The following MROH2B variants were observed in gnomAD, a reference collection of about 807,000 sequenced individuals.
MROH2B encodes maestro heat-like repeat-containing protein family member 2B.
MROH2B carries 177 observed loss-of-function variants against 208.6 expected under a neutral mutation model. That is an observed-to-expected ratio of 0.85 (90% CI 0.75 to 0.96). MROH2B has a LOEUF of 0.96. Among genes scored for constraint, MROH2B ranks in the 40% least tolerant of loss-of-function variants. MROH2B has a pLI of 0.00. For synonymous variants in MROH2B, 728 were observed against 659.0 expected, an observed-to-expected ratio of 1.10 and a Z score of -1.60; for missense variants, 2,002 against 1,878.7, an observed-to-expected ratio of 1.07 and a Z score of -1.21.
chr5:41,070,018 C>T (rs371154540), intron 1 of MROH2B, among the ~76,000 whole-genome samples: 1 of 152,172 alleles, frequency 6.6e-6, no homozygotes, highest in Non-Finnish European at 1.5e-5. Context: ...TGTATCCCTC[C>T]AGGCAAGTGG....
chr5:41,041,670 A>G (rs1239109057), intron 19 of MROH2B, among the ~76,000 whole-genome samples: 3 of 152,100 alleles, frequency 2.0e-5, no homozygotes, highest in Admixed American at 6.5e-5. Context: ...TCCTTCCTCC[A>G]CATTTATATA....
At chr5:41,064,361 T>A in intron 5 of MROH2B, 111 bp downstream of exon 5, 2 of 822,630 alleles carry the variant, frequency 2.4e-6, no homozygotes, top group East Asian at 2.7e-5. Context: ...GCAGCTATTA[T>A]TATTCAAAAG....
intron 24 of MROH2B, among the ~76,000 whole-genome samples, chr5:41,025,926 A>G (rs1198005184): frequency 2.0e-5 from 3 of 152,188 alleles, no homozygotes; most frequent in Non-Finnish European, 4.4e-5. Flanking sequence ...ACAGAACCAA[A>G]GACAAAAACC....
intron 34 of MROH2B, among the ~76,000 whole-genome samples, chr5:41,006,289 C>T (rs2111814564): frequency 6.6e-6 from 1 of 152,074 alleles, no homozygotes; most frequent in Non-Finnish European, 1.5e-5. Context: ...AGTGCGATAC[C>T]ACCTCACTCC....
rs896805780 is a variant in MROH2B, at chr5:41,020,093, T to C, written c.2442-1075A>G. 2.6e-5 allele frequency among the ~76,000 whole-genome samples: 4 copies of C among 152,198 alleles called. No homozygotes were observed. The East Asian group carries it at 7.7e-4, about 29-fold the overall frequency. On this transcript the variant is annotated intron_variant, in intron 24 of 41. Transcript: ENST00000399564. ...GCCTCATAAGCTCGTGAACATGAGT[T>C]GTGGCTGATCTGGATTAAGATGTAA... is the stretch of plus-strand genomic sequence containing the variant.
intron 35 of MROH2B, 80 bp from the exon 36 acceptor site, chr5:41,005,000 A>G (rs1477419007): frequency 1.3e-6 from 2 of 1,519,982 alleles, no homozygotes; most frequent in East Asian, 4.6e-5. Flanking sequence ...CATCACAAGT[A>G]CAATTAAAGA....
intron 24 of MROH2B, among the ~76,000 whole-genome samples, chr5:41,031,730 C>A (rs1742577712): frequency 6.6e-6 from 1 of 152,000 alleles, no homozygotes. Context: ...AATTCTCACC[C>A]TCCTCCCAAC....
At chr5:41,069,805 T>C in intron 1 of MROH2B, 53 bp from the exon 2 acceptor site, 2 of 1,320,074 alleles carry the variant, frequency 1.5e-6, no homozygotes, top group Non-Finnish European at 2.1e-6. Context: ...TGCCCTCCTG[T>C]TAATTATTTT....
At chr5:41,036,432 A>C (rs532291678) in intron 21 of MROH2B, among the ~76,000 whole-genome samples, 9 of 152,272 alleles carry the variant, frequency 5.9e-5, no homozygotes, top group African/African-American at 2.2e-4. Flanking sequence ...TGGAACTTTA[A>C]GTCCATTAAA....
intron 11 of MROH2B, 106 bp from the exon 12 acceptor site, chr5:41,052,693 T>G (rs1344301952): frequency 1.4e-5 from 15 of 1,103,820 alleles, no homozygotes; most frequent in Non-Finnish European, 1.8e-5. Flanking sequence ...GGAACATTTT[T>G]GAAAAAGGAA....
intron 33 of MROH2B, among the ~76,000 whole-genome samples, chr5:41,008,066 T>C (rs1010364409): frequency 6.6e-6 from 1 of 152,180 alleles, no homozygotes; most frequent in Non-Finnish European, 1.5e-5. Flanking sequence ...GGAAACAGAA[T>C]GATGGGATAT....
At chr5:41,055,902 G>T in intron 9 of MROH2B, 47 bp from the exon 10 acceptor site, 2 of 1,349,458 alleles carry the variant, frequency 1.5e-6, no homozygotes, top group Non-Finnish European at 2.1e-6. Flanking sequence ...TTCATCCTAG[G>T]TAAAATACTT....
Position 41,000,325 on chromosome 5 carries a change from GCAGA to G in MROH2B, c.4373_4376del (p.Val1458AlafsTer14), listed in dbSNP as rs1248098055. ...GCTCCTGGAGGCCCAAAAAGGGAAT[GCAGA>G]CCATCAAGACATCACGGCAAGCCTG... On this transcript the variant is annotated frameshift_variant, in exon 39 of 42. Coordinates refer to ENST00000399564, the MANE Select transcript of MROH2B (RefSeq NM_173489.5). LOFTEE classifies it high-confidence loss of function. 2.5e-6 allele frequency: 4 copies of G among 1,613,722 alleles called. No individual in the cohort carries two copies. The highest frequency in any genetic ancestry group is 8.5e-7 in the Non-Finnish European group (1 of 1,179,816).
chr5:41,010,683 A>G (rs1349167348), intron 30 of MROH2B, among the ~76,000 whole-genome samples: 1 of 152,214 alleles, frequency 6.6e-6, no homozygotes, highest in African/African-American at 2.4e-5. Flanking sequence ...GTATGATCTT[A>G]TACTGGTGGA....
At chr5:41,020,071 T>A (rs13155014) in intron 24 of MROH2B, among the ~76,000 whole-genome samples, 100,226 of 152,016 alleles carry the variant, frequency 0.66, 33,553 homozygotes, top group Non-Finnish European at 0.7. Flanking sequence ...GTCTCTAGCC[T>A]CATAAGCTCG....
intron 21 of MROH2B, among the ~76,000 whole-genome samples, chr5:41,034,463 A>G (rs924977893): frequency 6.6e-6 from 1 of 152,052 alleles, no homozygotes; most frequent in Admixed American, 6.6e-5. Flanking sequence ...CACCCCATGA[A>G]TCTACCAGCT....
Position 41,019,030 on chromosome 5 carries a change from A to C in MROH2B, c.2442-12T>G. 6.2e-7 allele frequency: 1 copy of C among 1,613,758 alleles called. No homozygotes were observed. Among genetic ancestry groups the C allele is most frequent in the Non-Finnish European group, 8.5e-7 (1 of 1,179,800 alleles). ...GAGGTTTCAGTTTACTGAAATGAGA[A>C]CCAGGTGGAGGAATGGATATTACAG... On this transcript the variant is annotated splice_polypyrimidine_tract_variant and intron_variant, in intron 24 of 41. Coordinates refer to ENST00000399564, the MANE Select transcript of MROH2B (RefSeq NM_173489.5).
chr5:41,020,725 G>A (rs1255745652), intron 24 of MROH2B, among the ~76,000 whole-genome samples: 1 of 152,122 alleles, frequency 6.6e-6, no homozygotes, highest in Admixed American at 6.5e-5. Flanking sequence ...ATAGAAATAG[G>A]AGGTTGGTTA....
rs1743975428 is a variant in MROH2B at position 41,071,019 on chromosome 5, C to T, written c.-167G>A. ...ATTGGCACAATGGTCTGGGAGCTTC[C>T]AGAGATGGGCTTGCTGTTGAAGTTG... is the stretch of plus-strand genomic sequence containing the variant. On this transcript the variant is annotated 5_prime_UTR_variant, in exon 1 of 42. Transcript: ENST00000399564. 1 of 625,366 alleles carries T rather than the reference C, an allele frequency of 1.6e-6. No individual in the cohort carries two copies. The allele number at this position is 625,366 out of a possible 1,614,324, so 38.7% of individuals were successfully genotyped here. A position where few individuals can be genotyped will look rare whatever the true frequency, so the allele number is the denominator to read the frequency against.
Sources: gnomAD v4.1 joint callset for allele counts (sites outside exome capture counted in the v4.1 genomes callset) on GRCh38, gnomAD v4.1.1 for gene constraint, MANE v1.5 for transcripts, NCBI Gene and HGNC (gene_info 2026-07-23, HGNC 2026-07-21) for gene names.